ECD: variants seen among roughly 807,000 people sequenced by gnomAD.
The protein encoded by ECD is ecdysoneless cell cycle regulator, also known as protein ecdysoneless homolog.
Under a neutral mutation model 77.2 loss-of-function variants are expected in ECD, and 59 were observed. The observed-to-expected ratio is 0.76, with a 90% CI of 0.62 to 0.95. ECD has a LOEUF of 0.95. ECD is among the 40% of genes least tolerant of loss of function. The pLI, the probability that ECD is intolerant of heterozygous loss-of-function variation, is 0.00. For missense variants in ECD, 704 were observed against 763.4 expected (o/e 0.92, Z 0.92); for synonymous variants, 233 against 267.4 (o/e 0.87, Z 1.26).
rs769970350 is a variant in ECD at position 73,156,299 on chromosome 10, G to A, written c.566C>T (p.Ala189Val). 5.0e-6 allele frequency: 8 copies of A among 1,605,828 alleles called. No homozygotes were observed. Among genetic ancestry groups the A allele is most frequent in the Non-Finnish European group, 6.8e-6 (8 of 1,177,436 alleles). ...EKILASESIR[A>V]AVNRRIRGYP... is the part of the protein sequence containing the mutation. ...CCCTCTGATGCGCCTATTCACAGCA[G>A]CTCGTATAGATTCTGAAGCAAGTAT... The change falls in exon 5 of 14, where the codon GCT becomes GTT. Residue 189 changes from alanine (A) to valine (V), a missense_variant. Transcript: ENST00000372979.
At chr10:73,139,867 T>TTA in intron 9 of ECD, 130 bp from the exon 10 acceptor site, 1 of 588,538 alleles carries the variant, frequency 1.7e-6, no homozygotes, top group Non-Finnish European at 2.8e-6. Flanking sequence ...TTTTTTTTTT[T>TTA]AAGAGATGGG....
chr10:73,136,979 A>G, intron 12 of ECD, 61 bp from the exon 13 acceptor site: 1 of 862,868 alleles, frequency 1.2e-6, no homozygotes, highest in South Asian at 4.4e-5. Flanking sequence ...TATTATTATT[A>G]TTATTATTTA....
At chr10:73,151,215 T>C (rs1381180004) in intron 7 of ECD, among the ~76,000 whole-genome samples, 2 of 152,092 alleles carry the variant, frequency 1.3e-5, no homozygotes, top group Admixed American at 1.3e-4. Flanking sequence ...GATGAGTTCA[T>C]GTCCTTTGTA....
chr10:73,154,710 G>C (rs1229731818), intron 5 of ECD, among the ~76,000 whole-genome samples: 2 of 152,080 alleles, frequency 1.3e-5, no homozygotes, highest in Non-Finnish European at 2.9e-5. Context: ...TGAGGCGGGT[G>C]GATCACGAGG....
chr10:73,137,852 T>C (rs1842996490), intron 12 of ECD, 151 bp downstream of exon 12: 1 of 490,514 alleles, frequency 2.0e-6, no homozygotes, highest in Non-Finnish European at 3.5e-6. Context: ...ACAAAATTAT[T>C]CATGGGTAGT....
chr10:73,160,305 A>G, intron 3 of ECD, 129 bp downstream of exon 3: 1 of 528,750 alleles, frequency 1.9e-6, no homozygotes, highest in Non-Finnish European at 3.0e-6. Context: ...AAAAGAGCAC[A>G]GATACTATTA....
chr10:73,159,642 A>ATTTTTTTTTTTTTTTT (rs1169258127), intron 3 of ECD, among the ~76,000 whole-genome samples: 1 of 123,632 alleles, frequency 8.1e-6, no homozygotes, highest in African/African-American at 3.3e-5. Context: ...CAGTACTTTA[A>ATTTTTTTTTTTTTTTT]TTTTTTTTTT....
chr10:73,143,502 G>GT (rs2133253429), intron 9 of ECD, among the ~76,000 whole-genome samples: 1 of 152,176 alleles, frequency 6.6e-6, no homozygotes, highest in African/African-American at 2.4e-5. Flanking sequence ...TTTTATATGT[G>GT]TAACATCCAC....
At chr10:73,160,310 C>A (rs879087029) in intron 3 of ECD, 124 bp downstream of exon 3, 5 of 504,276 alleles carry the variant, frequency 9.9e-6, no homozygotes, top group Non-Finnish European at 1.3e-5. Context: ...AGCACAGATA[C>A]TATTAAAATC....
chr10:73,157,975 TTTTTGAGACAGA>T (rs1843321643), intron 3 of ECD, among the ~76,000 whole-genome samples: 1 of 147,132 alleles, frequency 6.8e-6, no homozygotes, highest in Non-Finnish European at 1.5e-5. Context: ...TTTTATTTTA[TTTTTGAGACAGA>T]GTCTCACTCT....
chr10:73,144,484 T>C (rs571001436), intron 9 of ECD, among the ~76,000 whole-genome samples: 18 of 152,142 alleles, frequency 1.2e-4, no homozygotes, highest in African/African-American at 3.6e-4. Context: ...AGTGAGACTC[T>C]ATCTCAAATA....
At chr10:73,155,691 C>T (rs1056954677) in intron 5 of ECD, among the ~76,000 whole-genome samples, 2 of 151,020 alleles carry the variant, frequency 1.3e-5, no homozygotes, top group African/African-American at 2.4e-5. Context: ...CTCCGCCTCC[C>T]GGGTTCAAGC....
chr10:73,165,523 T>C (rs1032449371), intron 1 of ECD, among the ~76,000 whole-genome samples: 1 of 151,910 alleles, frequency 6.6e-6, no homozygotes, highest in Non-Finnish European at 1.5e-5. Context: ...GGCTAATTTT[T>C]GTATTTTTAG....
chr10:73,160,422 T>C lies in ECD; in HGVS notation c.323+12A>G. On this transcript the variant is annotated intron_variant, in intron 3 of 13. Coordinates refer to ENST00000372979, the MANE Select transcript of ECD (RefSeq NM_007265.3). Reference sequence around the variant, plus strand: ...TAGAATTCCTTTAGAATAATTAAAATAACTACAATACCTTGCTACTAACTC... The same window carrying C: ...TAGAATTCCTTTAGAATAATTAAAACAACTACAATACCTTGCTACTAACTC... 6.6e-7 allele frequency: 1 copy of C among 1,518,946 alleles called. No homozygotes were observed. The highest frequency in any genetic ancestry group is 8.9e-7 in the Non-Finnish European group (1 of 1,127,354). 94.1% of individuals were successfully genotyped at this position (1,518,946 alleles called of 1,614,324 possible).
At chr10:73,143,802 G>T (rs61865813) in intron 9 of ECD, among the ~76,000 whole-genome samples, 9 of 92,556 alleles carry the variant, frequency 9.7e-5, no homozygotes, top group Admixed American at 1.1e-4. Context: ...TTTTTTTTTG[G>T]TACCCATTAC....
At chr10:73,149,536 A>AATTTGGGTGT (rs1843175149) in intron 7 of ECD, among the ~76,000 whole-genome samples, 1 of 152,218 alleles carries the variant, frequency 6.6e-6, no homozygotes, top group Non-Finnish European at 1.5e-5. Flanking sequence ...TGTATTCAAT[A>AATTTGGGTGT]AATTACATGA....
intron 11 of ECD, among the ~76,000 whole-genome samples, chr10:73,138,495 T>G (rs1308839786): frequency 6.6e-6 from 1 of 152,224 alleles, no homozygotes; most frequent in Non-Finnish European, 1.5e-5. Context: ...AAATATAAAT[T>G]TATATCTTTC....
chr10:73,138,616 C>A (rs1033551068), intron 11 of ECD, among the ~76,000 whole-genome samples: 1 of 151,856 alleles, frequency 6.6e-6, no homozygotes, highest in Non-Finnish European at 1.5e-5. Flanking sequence ...ACCCAGGCTG[C>A]GGTGCAGTGG....
intron 9 of ECD, among the ~76,000 whole-genome samples, chr10:73,140,713 T>C (rs1843044429): frequency 3.9e-5 from 4 of 103,162 alleles, no homozygotes; most frequent in Admixed American, 3.5e-4. Context: ...AATTGGAGGA[T>C]AGAAGCTCAG....
Sources: gnomAD v4.1 joint callset for allele counts (sites outside exome capture counted in the v4.1 genomes callset) on GRCh38, gnomAD v4.1.1 for gene constraint, MANE v1.5 for transcripts, NCBI Gene and HGNC (gene_info 2026-07-23, HGNC 2026-07-21) for gene names.